Variants in GPR15LG observed in about 807,000 individuals in gnomAD.
The protein encoded by GPR15LG is G protein-coupled receptor 15 ligand.
At chr10:84,178,310 A>C in the GPR15LG span, among the ~76,000 whole-genome samples, 1 of 151,890 alleles carries the variant, frequency 6.6e-6, no homozygotes, top group South Asian at 2.1e-4. Context: ...AACACACTAC[A>C]TGCACATACA....
At chr10:84,183,246 AAGCAC>A in the GPR15LG span, among the ~76,000 whole-genome samples, 1 of 152,222 alleles carries the variant, frequency 6.6e-6, no homozygotes, top group Admixed American at 6.5e-5. Flanking sequence ...ATGAGGCACC[AAGCAC>A]AGAAAGGTTA....
chr10:84,182,160 G>C, the GPR15LG span, among the ~76,000 whole-genome samples: 1 of 152,210 alleles, frequency 6.6e-6, no homozygotes, highest in Non-Finnish European at 1.5e-5. Flanking sequence ...ACCCGTTGAG[G>C]ATATGAGGTT....
chr10:84,176,281 G>T, the GPR15LG span, among the ~76,000 whole-genome samples: 1 of 152,128 alleles, frequency 6.6e-6, no homozygotes, highest in Non-Finnish European at 1.5e-5. Flanking sequence ...ATGTGTTTTG[G>T]GGCCATGTGT....
chr10:84,184,917 C>A, the GPR15LG span: 2 of 1,484,016 alleles, frequency 1.3e-6, no homozygotes, highest in Non-Finnish European at 1.8e-6. Context: ...TGGGAAAGTT[C>A]CAGAACTCCA....
At chr10:84,176,650 C>T in the GPR15LG span, 1 of 957,750 alleles carries the variant, frequency 1.0e-6, no homozygotes, top group Non-Finnish European at 1.6e-6. Flanking sequence ...CTGATCAGCC[C>T]CCACCCATGG....
At chr10:84,175,384 G>A in the GPR15LG span, among the ~76,000 whole-genome samples, 9 of 152,170 alleles carry the variant, frequency 5.9e-5, no homozygotes, top group African/African-American at 1.9e-4. Flanking sequence ...TATCCATTTA[G>A]GACTATCTGT....
At chr10:84,180,735 C>T in the GPR15LG span, among the ~76,000 whole-genome samples, 4 of 152,160 alleles carry the variant, frequency 2.6e-5, no homozygotes, top group African/African-American at 4.8e-5. Flanking sequence ...CCAAGGCAGG[C>T]GGCTGGGAGG....
At chr10:84,175,165 G>C in the GPR15LG span, among the ~76,000 whole-genome samples, 1 of 152,192 alleles carries the variant, frequency 6.6e-6, no homozygotes, top group Admixed American at 6.5e-5. Flanking sequence ...TCTCTGAGTA[G>C]TGGGATTATA....
chr10:84,176,594 C>T, the GPR15LG span: 5 of 1,561,558 alleles, frequency 3.2e-6, no homozygotes. Context: ...CTCGTCCAGA[C>T]TGTGGGGCAG....
At chr10:84,177,857 C>T in the GPR15LG span, among the ~76,000 whole-genome samples, 2 of 152,198 alleles carry the variant, frequency 1.3e-5, no homozygotes, top group African/African-American at 2.4e-5. Flanking sequence ...AGCTCACACC[C>T]TCCCCCTCCA....
At chr10:84,173,848 C>T in the GPR15LG span, 1 of 1,610,842 alleles carries the variant, frequency 6.2e-7, no homozygotes, top group Non-Finnish European at 8.5e-7. Context: ...TCTGCCTTCT[C>T]ACCATGAGGC....
At chr10:84,174,150 G>A in the GPR15LG span, among the ~76,000 whole-genome samples, 1 of 152,190 alleles carries the variant, frequency 6.6e-6, no homozygotes, top group Admixed American at 6.5e-5. Context: ...TACATACCCA[G>A]CCTAAGTAAA....
the GPR15LG span, among the ~76,000 whole-genome samples, chr10:84,180,201 G>T: frequency 2.2e-4 from 33 of 152,374 alleles, no homozygotes; most frequent in Admixed American, 5.2e-4. Flanking sequence ...TTGGGGGTAA[G>T]GTTATAGATT....
chr10:84,175,018 A>T, the GPR15LG span, among the ~76,000 whole-genome samples: 11 of 152,194 alleles, frequency 7.2e-5, no homozygotes, highest in African/African-American at 2.4e-4. Context: ...TAGAATTTTT[A>T]AAAATTAATT....
At chr10:84,180,287 C>A in the GPR15LG span, among the ~76,000 whole-genome samples, 1 of 152,266 alleles carries the variant, frequency 6.6e-6, no homozygotes, top group Non-Finnish European at 1.5e-5. Context: ...TCTTTCTACA[C>A]AGACACAATA....
At chr10:84,178,368 A>T in the GPR15LG span, among the ~76,000 whole-genome samples, 514 of 152,010 alleles carry the variant, frequency 3.4e-3, 3 homozygotes, top group African/African-American at 0.012. Flanking sequence ...CAGCACACAC[A>T]CGTATACCAG....
the GPR15LG span, among the ~76,000 whole-genome samples, chr10:84,180,814 C>G: frequency 1.3e-5 from 2 of 152,322 alleles, no homozygotes; most frequent in Non-Finnish European, 2.9e-5. Context: ...ACTGAGTGAA[C>G]GAGACTCCGT....
At chr10:84,175,725 T>C in the GPR15LG span, among the ~76,000 whole-genome samples, 1 of 152,172 alleles carries the variant, frequency 6.6e-6, no homozygotes, top group East Asian at 1.9e-4. Flanking sequence ...AGGCTGGTCT[T>C]GAACTTCTGG....
At chr10:84,184,975 A>G in the GPR15LG span, 5 of 1,407,978 alleles carry the variant, frequency 3.6e-6, no homozygotes, top group East Asian at 1.4e-4. Context: ...ATCATGAGCC[A>G]ACCTCACCCC....
Sources: allele counts gnomAD v4.1 joint callset (sites outside exome capture counted in the v4.1 genomes callset), GRCh38; gene constraint gnomAD v4.1.1; transcripts MANE v1.5; gene names NCBI Gene and HGNC (gene_info 2026-07-23, HGNC 2026-07-21).